Variants in ATP6V1E1 observed in about 807,000 individuals in gnomAD.
ATP6V1E1 encodes the protein V-type proton ATPase subunit E 1.
A neutral mutation model predicts 35.2 loss-of-function variants in ATP6V1E1; 21 were observed. That is an observed-to-expected ratio of 0.60 (90% CI 0.42 to 0.86). The LOEUF (loss-of-function observed/expected upper bound fraction) is 0.86. ATP6V1E1 is among the 40% of genes least tolerant of loss of function. The probability of loss-of-function intolerance (pLI) is 0.00; values close to 1 mark genes in which losing one functional copy is unlikely to be tolerated. For missense variants in ATP6V1E1, 183 were observed against 272.6 expected, an observed-to-expected ratio of 0.67 and a Z score of 2.32; for synonymous variants, 83 against 87.8, an observed-to-expected ratio of 0.95 and a Z score of 0.30.
At chr22:17,597,288 C>T (rs1252706961) in intron 7 of ATP6V1E1, among the ~76,000 whole-genome samples, 1 of 150,960 alleles carries the variant, frequency 6.6e-6, no homozygotes, top group East Asian at 1.9e-4. Context: ...CAATGTTAGT[C>T]AGTAGTGTGG....
At chr22:17,624,241 T>C (rs79475891) in intron 1 of ATP6V1E1, among the ~76,000 whole-genome samples, 6,777 of 152,176 alleles carry the variant, frequency 0.045, 490 homozygotes, top group African/African-American at 0.15. Context: ...ATAGACAAGA[T>C]TCCTTCTTTC....
intron 4 of ATP6V1E1, 107 bp downstream of exon 4, chr22:17,612,705 C>A: frequency 1.0e-6 from 1 of 957,424 alleles, no homozygotes; most frequent in East Asian, 2.8e-5. Context: ...TGTTTTCTCT[C>A]TAAAGATTAT....
intron 2 of ATP6V1E1, among the ~76,000 whole-genome samples, chr22:17,613,884 G>A (rs1479740919): frequency 2.6e-5 from 4 of 152,156 alleles, no homozygotes; most frequent in Non-Finnish European, 4.4e-5. Context: ...GGACAATGGC[G>A]TGAACCCGGG....
chr22:17,617,514 G>A (rs2057852776), intron 2 of ATP6V1E1, among the ~76,000 whole-genome samples: 1 of 152,024 alleles, frequency 6.6e-6, no homozygotes, highest in Non-Finnish European at 1.5e-5. Context: ...GGCTGGTCTT[G>A]AACTCCTGAC....
At position 17,592,325 on chromosome 22, in the gene ATP6V1E1, G is replaced by C. The variant is rs2057706811; in HGVS notation, c.*349C>G. On this transcript the variant is annotated 3_prime_UTR_variant, in exon 9 of 9. Transcript: ENST00000253413. ...ACATGCGCCTTAAGCCTCAAGAGTG[G>C]GGACTGCAGGGCCAAACACCAAATA... The C allele has an allele frequency of 3.9e-6, 1 of 257,256 alleles. No individual in the cohort carries two copies. 15.9% of individuals were successfully genotyped at this position (257,256 alleles called of 1,614,324 possible).
chr22:17,608,752 G>A (rs2057798381), intron 4 of ATP6V1E1, among the ~76,000 whole-genome samples: 3 of 152,086 alleles, frequency 2.0e-5, no homozygotes, highest in African/African-American at 7.2e-5. Context: ...AGAATATGAT[G>A]GATTACTGTA....
chr22:17,620,782 G>A (rs577636645), intron 1 of ATP6V1E1, among the ~76,000 whole-genome samples: 16 of 151,858 alleles, frequency 1.1e-4, no homozygotes, highest in Non-Finnish European at 1.6e-4. Flanking sequence ...GTTCTTTACC[G>A]GCCGGGCATG....
chr22:17,604,201 C>T (rs966862552), intron 4 of ATP6V1E1, among the ~76,000 whole-genome samples: 2 of 149,098 alleles, frequency 1.3e-5, no homozygotes, highest in African/African-American at 5.0e-5. Flanking sequence ...GTGATAAGCT[C>T]CTAACATCCC....
intron 4 of ATP6V1E1, among the ~76,000 whole-genome samples, chr22:17,606,027 G>A (rs1389069189): frequency 1.3e-5 from 2 of 152,036 alleles, no homozygotes; most frequent in Non-Finnish European, 2.9e-5. Flanking sequence ...TCTGCCTACT[G>A]AGCAGCTGGG....
intron 8 of ATP6V1E1, 21 bp downstream of exon 8, chr22:17,594,508 A>G (rs1471523428): frequency 6.6e-7 from 1 of 1,521,780 alleles, no homozygotes; most frequent in Non-Finnish European, 8.8e-7. Flanking sequence ...ACCAACTACC[A>G]AGAAGTACCC....
chr22:17,597,556 C>T (rs1382697735), intron 7 of ATP6V1E1, among the ~76,000 whole-genome samples: 9 of 152,020 alleles, frequency 5.9e-5, no homozygotes, highest in Admixed American at 5.9e-4. Flanking sequence ...CCTCAGCATC[C>T]AATACAGAGA....
chr22:17,592,543 C>CAT lies in ATP6V1E1; in HGVS notation c.*129_*130dup. ...AGGCAAGGCATGAGTGACAGAGGGGCATCGCTGATAAATACAGAGCAATAC... is the reference window on the plus strand; with the variant it reads ...AGGCAAGGCATGAGTGACAGAGGGGCATATCGCTGATAAATACAGAGCAATAC... On this transcript the variant is annotated 3_prime_UTR_variant, in exon 9 of 9. Coordinates refer to ENST00000253413, the MANE Select transcript of ATP6V1E1 (RefSeq NM_001696.4). The CAT allele has an allele frequency of 1.1e-6, 1 of 918,298 alleles. No individual in the cohort carries two copies. The highest frequency in any genetic ancestry group is 1.7e-6 in the Non-Finnish European group (1 of 576,292). 56.9% of individuals were successfully genotyped at this position (918,298 alleles called of 1,614,324 possible). A position where few individuals can be genotyped will look rare whatever the true frequency, so the allele number is the denominator to read the frequency against.
At chr22:17,619,293 CA>C (rs759086265) in intron 2 of ATP6V1E1, among the ~76,000 whole-genome samples, 167 bp downstream of exon 2, 1,757 of 109,016 alleles carry the variant, frequency 0.016, 15 homozygotes, top group Non-Finnish European at 0.021. Flanking sequence ...ACTCGGTCTC[CA>C]AAAAAAAAAA....
At chr22:17,624,873 T>C (rs1216543891) in intron 1 of ATP6V1E1, among the ~76,000 whole-genome samples, 1 of 152,150 alleles carries the variant, frequency 6.6e-6, no homozygotes, top group Non-Finnish European at 1.5e-5. Context: ...GCTTTATCTT[T>C]ATACTAGCTT....
chr22:17,625,272 CT>C (rs894530979), intron 1 of ATP6V1E1, among the ~76,000 whole-genome samples: 14 of 149,698 alleles, frequency 9.4e-5, no homozygotes, highest in African/African-American at 2.7e-4. Context: ...CAACGAAAAA[CT>C]TTTTTTTTTG....
At position 17,592,322 on chromosome 22, in the gene ATP6V1E1, G is replaced by A. The variant is rs779968616; in HGVS notation, c.*352C>T. 2.3e-5 allele frequency: 6 copies of A among 256,960 alleles called. No homozygotes were observed. Among genetic ancestry groups the A allele is most frequent in the Middle Eastern group, 1.4e-3 (1 of 716 alleles). The allele number at this position is 256,960 out of a possible 1,614,324, so 15.9% of individuals were successfully genotyped here. Reference sequence around the variant, plus strand: ...GCCACATGCGCCTTAAGCCTCAAGAGTGGGGACTGCAGGGCCAAACACCAA... The same window carrying A: ...GCCACATGCGCCTTAAGCCTCAAGAATGGGGACTGCAGGGCCAAACACCAA... On this transcript the variant is annotated 3_prime_UTR_variant, in exon 9 of 9. Transcript: ENST00000253413.
intron 2 of ATP6V1E1, among the ~76,000 whole-genome samples, chr22:17,615,879 A>C (rs12162752): frequency 0.12 from 18,817 of 151,926 alleles, 1,597 homozygotes; most frequent in Non-Finnish European, 0.18. Flanking sequence ...AAAAATACAA[A>C]AAATTAGCTG....
intron 1 of ATP6V1E1, among the ~76,000 whole-genome samples, chr22:17,626,791 A>G (rs994808152): frequency 1.3e-5 from 2 of 152,018 alleles, no homozygotes; most frequent in Non-Finnish European, 2.9e-5. Context: ...CGGCCTTCCA[A>G]AGTGCTGGGA....
At chr22:17,625,483 C>T (rs1045814464) in intron 1 of ATP6V1E1, among the ~76,000 whole-genome samples, 3 of 152,076 alleles carry the variant, frequency 2.0e-5, no homozygotes, top group Middle Eastern at 3.4e-3. Context: ...TCTCAAACTC[C>T]CAACCTCAGG....
Sources: allele counts gnomAD v4.1 joint callset (sites outside exome capture counted in the v4.1 genomes callset), GRCh38; gene constraint gnomAD v4.1.1; transcripts MANE v1.5; gene names NCBI Gene and HGNC (gene_info 2026-07-23, HGNC 2026-07-21).